Variants in BCAR3 observed in about 807,000 individuals in gnomAD.
BCAR3 encodes the protein BCAR3 adaptor protein, NSP family member.
A neutral mutation model predicts 80.1 loss-of-function variants in BCAR3; 37 were observed. The observed-to-expected ratio is 0.46, with a 90% CI of 0.36 to 0.61. BCAR3 has a LOEUF of 0.61. BCAR3 is among the 20% of genes least tolerant of loss of function. BCAR3 has a pLI of 0.00. For missense variants in BCAR3, 978 were observed against 1,068.2 expected (o/e 0.92, Z 1.18); for synonymous variants, 389 against 418.9 (o/e 0.93, Z 0.87).
chr1:93,577,884 C>CACAT lies in BCAR3; in HGVS notation c.1687-1759_1687-1756dup, dbSNP rs113025909. ...TGCTCTCCAGTCTGCATTTCGTCGG[C>CACAT]ACATATATGCCATGCCTGGGTCACT... On this transcript the variant is annotated intron_variant, in intron 7 of 11. Coordinates refer to ENST00000260502, the MANE Select transcript of BCAR3 (RefSeq NM_003567.4). 9.3e-4 allele frequency among the ~76,000 whole-genome samples: 141 copies of CACAT among 152,326 alleles called. 1 individual carries two copies. Among genetic ancestry groups the CACAT allele is most frequent in the African/African-American group, 3.2e-3 (135 of 41,572 alleles).
At chr1:93,645,602 T>C (rs1676127823) in intron 2 of BCAR3, among the ~76,000 whole-genome samples, 1 of 151,880 alleles carries the variant, frequency 6.6e-6, no homozygotes, top group Non-Finnish European at 1.5e-5. Context: ...TATACTTATT[T>C]CATGGCTAAA....
At chr1:93,598,709 C>T (rs1674521262) in intron 3 of BCAR3, among the ~76,000 whole-genome samples, 1 of 152,184 alleles carries the variant, frequency 6.6e-6, no homozygotes, top group East Asian at 1.9e-4. Flanking sequence ...GGCAAGTTAC[C>T]CCACCTCTTT....
At chr1:93,585,668 T>C (rs1395734069) in intron 5 of BCAR3, among the ~76,000 whole-genome samples, 1 of 152,178 alleles carries the variant, frequency 6.6e-6, no homozygotes, top group African/African-American at 2.4e-5. Flanking sequence ...GCATCTCAAG[T>C]CCAATCCTAT....
At chr1:93,828,856 C>T (rs1322563656) in intron 2 of BCAR3, among the ~76,000 whole-genome samples, 1 of 152,068 alleles carries the variant, frequency 6.6e-6, no homozygotes, top group Non-Finnish European at 1.5e-5. Context: ...CCACACCCGG[C>T]TAATTTTTGT....
chr1:93,681,013 T>C (rs998091036), intron 1 of BCAR3: 2 of 152,304 alleles, frequency 1.3e-5, no homozygotes, highest in Admixed American at 6.5e-5. Context: ...CAACTATTCA[T>C]TCTTTCTCAA....
chr1:93,699,310 C>T (rs542130722), intron 3 of BCAR3, among the ~76,000 whole-genome samples: 12 of 152,260 alleles, frequency 7.9e-5, no homozygotes, highest in East Asian at 5.8e-4. Flanking sequence ...ATAGTGAAAA[C>T]GAACAGAAAA....
intron 2 of BCAR3, among the ~76,000 whole-genome samples, chr1:93,769,470 A>C (rs1652278318): frequency 6.6e-6 from 1 of 151,688 alleles, no homozygotes; most frequent in African/African-American, 2.4e-5. Flanking sequence ...AAATAGTTAA[A>C]GAGGCTATGA....
At chr1:93,659,113 C>T (rs1474921697) in intron 2 of BCAR3, among the ~76,000 whole-genome samples, 1 of 152,208 alleles carries the variant, frequency 6.6e-6, no homozygotes. Context: ...CATGAAGCTT[C>T]AGCAACATCT....
At chr1:93,773,786 G>A (rs535886825) in intron 2 of BCAR3, among the ~76,000 whole-genome samples, 2 of 151,982 alleles carry the variant, frequency 1.3e-5, no homozygotes, top group East Asian at 3.9e-4. Flanking sequence ...TTTTTCTTAT[G>A]TTTTCTTTAT....
At chr1:93,824,124 G>A (rs1654308449) in intron 2 of BCAR3, among the ~76,000 whole-genome samples, 1 of 134,044 alleles carries the variant, frequency 7.5e-6, no homozygotes, top group South Asian at 3.0e-4. Context: ...TTCAACTAAT[G>A]TTTGTTGAAT....
intron 2 of BCAR3, among the ~76,000 whole-genome samples, chr1:93,782,406 A>G (rs1652794598): frequency 6.6e-6 from 1 of 152,182 alleles, no homozygotes; most frequent in South Asian, 2.1e-4. Flanking sequence ...CTGGGGCTCA[A>G]TCCTGCCATG....
chr1:93,844,454 G>A (rs1417694260), intron 2 of BCAR3, among the ~76,000 whole-genome samples: 1 of 152,190 alleles, frequency 6.6e-6, no homozygotes, highest in Non-Finnish European at 1.5e-5. Flanking sequence ...TTGGCAGGAA[G>A]AGGTTGCTTT....
At chr1:93,681,349 C>T (rs1648750603) in intron 1 of BCAR3, 1 of 152,060 alleles carries the variant, frequency 6.6e-6, no homozygotes, top group Non-Finnish European at 1.5e-5. Context: ...TGGGCCACGT[C>T]TCGGGGAGTC....
At chr1:93,836,381 T>C (rs1007005770) in intron 2 of BCAR3, among the ~76,000 whole-genome samples, 2 of 152,190 alleles carry the variant, frequency 1.3e-5, no homozygotes, top group African/African-American at 4.8e-5. Flanking sequence ...TACCTGTTTT[T>C]ATCCTTCTCT....
At chr1:93,766,656 G>A (rs79897090) in intron 2 of BCAR3, among the ~76,000 whole-genome samples, 29 of 152,342 alleles carry the variant, frequency 1.9e-4, no homozygotes, top group East Asian at 5.8e-4. Flanking sequence ...CTTAGAGTCC[G>A]CTTCAAGTTA....
At chr1:93,780,220 A>T (rs1202794719) in intron 2 of BCAR3, among the ~76,000 whole-genome samples, 1 of 152,122 alleles carries the variant, frequency 6.6e-6, no homozygotes, top group Non-Finnish European at 1.5e-5. Flanking sequence ...GCATTGTCCT[A>T]GCTCCCCTGA....
intron 2 of BCAR3, among the ~76,000 whole-genome samples, chr1:93,707,931 C>CA (rs1242895098): frequency 2.0e-5 from 3 of 152,224 alleles, no homozygotes; most frequent in Middle Eastern, 3.4e-3. Flanking sequence ...CCCACATACA[C>CA]AAAATAAACA....
intron 2 of BCAR3, among the ~76,000 whole-genome samples, chr1:93,772,227 A>C (rs1360176333): frequency 6.6e-6 from 1 of 152,228 alleles, no homozygotes; most frequent in Non-Finnish European, 1.5e-5. Flanking sequence ...CAGGAGAGTG[A>C]CACAATCAAA....
At chr1:93,690,012 A>G (rs78176902) in intron 3 of BCAR3, among the ~76,000 whole-genome samples, 4,044 of 152,326 alleles carry the variant, frequency 0.027, 173 homozygotes, top group African/African-American at 0.092. Flanking sequence ...TCATTTACAG[A>G]TAATCTGTAG....
Sources: gnomAD v4.1 joint callset for allele counts (sites outside exome capture counted in the v4.1 genomes callset) on GRCh38, gnomAD v4.1.1 for gene constraint, MANE v1.5 for transcripts, NCBI Gene and HGNC (gene_info 2026-07-23, HGNC 2026-07-21) for gene names.